The following RHBDF1 variants were observed in gnomAD, a reference collection of about 807,000 sequenced individuals.
RHBDF1 encodes rhomboid 5 homolog 1.
RHBDF1 carries 80 observed loss-of-function variants against 98.6 expected under a neutral mutation model. That is an observed-to-expected ratio of 0.81 (90% confidence interval 0.68 to 0.98). The LOEUF (loss-of-function observed/expected upper bound fraction) is 0.98. Among genes scored for constraint, RHBDF1 ranks in the 50% least tolerant of loss-of-function variants. RHBDF1 has a pLI of 0.00. For missense variants in RHBDF1, 1,116 were observed against 1,198.3 expected (o/e 0.93, Z 1.01); for synonymous variants, 512 against 486.8 (o/e 1.05, Z -0.68).
At position 58,522 on chromosome 16, in the gene RHBDF1, C is replaced by G. The variant is rs1221760737; in HGVS notation, c.2386G>C (p.Asp796His). Residue 796 changes from aspartate (D) to histidine (H), a missense_variant, in exon 18 of 18, where the codon GAC (aspartate) becomes CAC (histidine). Transcript: ENST00000262316. ...ATCTGGCAGCGTTTCCGGTACAGGTCGAACTTGCCAAAGCTGATGTAGGGC... is the reference window on the plus strand; with the variant it reads ...ATCTGGCAGCGTTTCCGGTACAGGTGGAACTTGCCAAAGCTGATGTAGGGC... ...FLPYISFGKF[D>H]LYRKRCQIII... 1 of 1,614,024 alleles carries G rather than the reference C, an allele frequency of 6.2e-7. No individual in the cohort carries two copies. The highest frequency in any genetic ancestry group is 8.5e-7 in the Non-Finnish European group (1 of 1,180,040).
At chr16:73,954 C>T, upstream of RHBDF1, 1 of 985,366 alleles carries the variant, frequency 1.0e-6, no homozygotes, top group Non-Finnish European at 1.2e-6. Context: ...TTCCCCTGCC[C>T]ATATCCTTGT....
Position 58,325 on chromosome 16 carries a change from G to C in RHBDF1, c.*15C>G, listed in dbSNP as rs1297814922. 3.7e-6 allele frequency: 6 copies of C among 1,602,822 alleles called. No individual in the cohort carries two copies. In the African/African-American group the frequency reaches 6.7e-5, roughly 18 times the overall value. ...GGCCTGCTGGAGCACACGGCCGCTG[G>C]AGCCCGCAGCCAGCTCAGTGGAGCT... On this transcript the variant is annotated 3_prime_UTR_variant, in exon 18 of 18. Transcript: ENST00000262316.
rs779860649 is a variant in RHBDF1, at chr16:59,132, A to T, written c.1995-5T>A. 6.2e-7 allele frequency: 1 copy of T among 1,611,752 alleles called. No homozygotes were observed. Among genetic ancestry groups the T allele is most frequent in the Non-Finnish European group, 8.5e-7 (1 of 1,178,820 alleles). ...GACACCAGGCAGTGCAAGATCCTGTAGTCAGTAGCAGGCGGGGGTCGGGAG... is the reference window on the plus strand; with the variant it reads ...GACACCAGGCAGTGCAAGATCCTGTTGTCAGTAGCAGGCGGGGGTCGGGAG... On this transcript the variant is annotated splice_region_variant and splice_polypyrimidine_tract_variant and intron_variant, in intron 16 of 17. Transcript: ENST00000262316.
At chr16:72,414 G>T in intron 1 of RHBDF1, 99 bp downstream of exon 1, 1 of 588,252 alleles carries the variant, frequency 1.7e-6, no homozygotes, top group Non-Finnish European at 2.1e-6. Context: ...GCTCTGAGCA[G>T]CTCCGGCCCC....
At chr16:75,463 C>T (rs2562158), upstream of RHBDF1, among the ~76,000 whole-genome samples, 136,908 of 152,298 alleles carry the variant, frequency 0.9, 61,773 homozygotes, top group African/African-American at 0.97. Flanking sequence ...AGAAACCGCC[C>T]GGGGAGCAGG....
Position 58,576 on chromosome 16 carries a change from T to C in RHBDF1, c.2332A>G (p.Ser778Gly). 1 of 1,613,818 alleles carries C rather than the reference T, an allele frequency of 6.2e-7. No homozygotes were observed. The highest frequency in any genetic ancestry group is 8.5e-7 in the Non-Finnish European group (1 of 1,179,984). The change falls in exon 18 of 18, where the codon AGT (serine) becomes GGT (glycine). Residue 778 changes from serine to glycine, a missense_variant. Physicochemically the swap from Ser to Gly is moderately conservative, Grantham distance 56. Transcript: ENST00000262316. ...DNFAHISGFI[S>G]GLFLSFAFLP... ...AAGGCGAAGGAGAGGAAGAGGCCAC[T>C]GATGAACCCTGAGATGTGGGCAAAG...
chr16:61,346 T>TCCCGCC, intron 10 of RHBDF1, 39 bp downstream of exon 10: 2 of 1,544,800 alleles, frequency 1.3e-6, no homozygotes, highest in Non-Finnish European at 8.7e-7. Context: ...CACCTCCAGG[T>TCCCGCC]CCCGCCCCCG....
In RHBDF1 at chr16:61,393, G is replaced by A. The variant is rs573314004; in HGVS notation, c.1387C>T (p.Pro463Ser). Residue 463 changes from proline to serine, a missense_variant, in exon 10 of 18, where the codon CCC (proline) becomes TCC (serine). Coordinates refer to ENST00000262316, the MANE Select transcript of RHBDF1 (RefSeq NM_022450.5). ...CCCAGCCCCGTCCTCACCGAGCTGGGCCCGATCCAGAAGTTCTCCTGCTGC... is the reference window on the plus strand; with the variant it reads ...CCCAGCCCCGTCCTCACCGAGCTGGACCCGATCCAGAAGTTCTCCTGCTGC... The part of the protein sequence containing the change: ...YVQQENFWIG[P>S]SSEALIHLGA... 6.2e-7 allele frequency: 1 copy of A among 1,610,174 alleles called. No individual in the cohort carries two copies. The highest frequency in any genetic ancestry group is 1.1e-5 in the South Asian group (1 of 90,674).
At chr16:59,632 G>A (rs1034413412) in intron 14 of RHBDF1, 100 bp downstream of exon 14, 2 of 1,499,850 alleles carry the variant, frequency 1.3e-6, no homozygotes, top group Non-Finnish European at 1.8e-6. Context: ...CACATCCTTG[G>A]TATACTGGCT....
At chr16:59,849 C>T (rs1351542714) in intron 13 of RHBDF1, 23 bp from the exon 14 acceptor site, 2 of 1,613,838 alleles carry the variant, frequency 1.2e-6, no homozygotes, top group African/African-American at 1.3e-5. Context: ...TGAGGACGAG[C>T]TGAGTCAGGG....
At chr16:63,528 G>T in intron 4 of RHBDF1, 59 bp downstream of exon 4, 1 of 1,411,070 alleles carries the variant, frequency 7.1e-7, no homozygotes, top group Non-Finnish European at 9.6e-7. Context: ...TGTGTCCGCA[G>T]CCCCAGCCCC....
chr16:60,530 C>A lies in RHBDF1; in HGVS notation c.1567G>T (p.Ala523Ser). The A allele has an allele frequency of 6.2e-7, 1 of 1,607,820 alleles. No homozygotes were observed. The highest frequency in any genetic ancestry group is 1.7e-5 in the Admixed American group (1 of 60,014). ...TGGATGGGCCACTTCACCCACACTG[C>A]CAGCGTGGACTGTGGGAGGGGGACA... Reference protein sequence around the residue: ...TSEEECSSTLAVWVKWPIHPS... With the variant: ...TSEEECSSTLSVWVKWPIHPS... The change falls in exon 12 of 18, where the codon GCA becomes TCA. Residue 523 changes from alanine (A) to serine (S), a missense_variant. By Grantham distance (99) the Ala-to-Ser change is moderately conservative. Coordinates refer to ENST00000262316, the MANE Select transcript of RHBDF1 (RefSeq NM_022450.5).
At chr16:73,356 G>A (rs1313768539), upstream of RHBDF1, among the ~76,000 whole-genome samples, 4 of 151,938 alleles carry the variant, frequency 2.6e-5, no homozygotes, top group African/African-American at 7.3e-5. Flanking sequence ...AGGCTGCACC[G>A]GCCCCACCCG....
At position 62,938 on chromosome 16, in the gene RHBDF1, C is replaced by T. The variant is rs367591554; in HGVS notation, c.672+35G>A. 97 of 1,612,502 alleles carry T rather than the reference C, an allele frequency of 6.0e-5. 1 individual carries two copies. Among genetic ancestry groups the T allele is most frequent in the Non-Finnish European group, 7.6e-5 (90 of 1,179,574 alleles). On this transcript the variant is annotated intron_variant, in intron 5 of 17. Coordinates refer to ENST00000262316, the MANE Select transcript of RHBDF1 (RefSeq NM_022450.5). ...TGAGCATGAGACCCGGCTGCTGGGT[C>T]GGCCCCCAACCCCGCCTTTGGCCCC... is the stretch of plus-strand genomic sequence containing the variant.
chr16:61,196 T>G lies in RHBDF1; in HGVS notation c.1481A>C (p.Glu494Ala), dbSNP rs1462588414. ...GCAGCAGGCGGAGTGCTTCTCGCGCTCGCGCGCCGAGCGAATGAAGCTGTG... is the reference window on the plus strand; with the variant it reads ...GCAGCAGGCGGAGTGCTTCTCGCGCGCGCGCGCCGAGCGAATGAAGCTGTG... ...QVHSFIRSAR[E>A]REKHSACCVR... Residue 494 changes from glutamate to alanine, a missense_variant, in exon 11 of 18, where the codon GAG becomes GCG. Transcript: ENST00000262316. 3 of 1,543,498 alleles carry G rather than the reference T, an allele frequency of 1.9e-6. No individual in the cohort carries two copies. The highest frequency in any genetic ancestry group is 4.9e-5 in the East Asian group (2 of 40,842).
At chr16:69,611 C>T (rs1567118976) in intron 1 of RHBDF1, among the ~76,000 whole-genome samples, 1 of 152,132 alleles carries the variant, frequency 6.6e-6, no homozygotes. Flanking sequence ...AGCTGTCTGG[C>T]AGCCCAGCCT....
intron 1 of RHBDF1, among the ~76,000 whole-genome samples, chr16:69,278 G>A (rs945188828): frequency 6.6e-6 from 1 of 152,168 alleles, no homozygotes; most frequent in Non-Finnish European, 1.5e-5. Flanking sequence ...AACCACCTCT[G>A]TACTCAGGCC....
At position 62,884 on chromosome 16, in the gene RHBDF1, C is replaced by A. The variant is rs200899703; in HGVS notation, c.686G>T (p.Arg229Met). The change falls in exon 6 of 18, where the codon AGG becomes ATG. Residue 229 changes from arginine to methionine, a missense_variant. Transcript: ENST00000262316. ...CTGTGCCCGGCGAAAGGTGCCATCC[C>A]TAACGGAGCGGCCCTGGGGACGGGG... is the stretch of plus-strand genomic sequence containing the variant. ...AAALMKGRSV[R>M]DGTFRRAQRR... 1 of 1,613,852 alleles carries A rather than the reference C, an allele frequency of 6.2e-7. No homozygotes were observed. The highest frequency in any genetic ancestry group is 2.2e-5 in the East Asian group (1 of 44,884).
At chr16:75,241 T>TGGGTTA (rs929494078), upstream of RHBDF1, among the ~76,000 whole-genome samples, 1 of 152,136 alleles carries the variant, frequency 6.6e-6, no homozygotes, top group Non-Finnish European at 1.5e-5. Flanking sequence ...CGTCTGAGAA[T>TGGGTTA]GGGTTAGGGT....
Sources: gnomAD v4.1 joint callset for allele counts (sites outside exome capture counted in the v4.1 genomes callset) on GRCh38, gnomAD v4.1.1 for gene constraint, MANE v1.5 for transcripts, NCBI Gene and HGNC (gene_info 2026-07-23, HGNC 2026-07-21) for gene names.